CAAP1: variants seen among roughly 807,000 people sequenced by gnomAD.
The protein encoded by CAAP1 is conserved anti-apoptotic protein.
In CAAP1, 20 loss-of-function variants were observed where a neutral mutation model predicts 34.0. The observed-to-expected ratio is 0.59, with a 90% CI of 0.41 to 0.86. The LOEUF is 0.86. Among genes scored for constraint, CAAP1 ranks in the 40% least tolerant of loss-of-function variants. The pLI is 0.00. For synonymous variants in CAAP1, 213 were observed against 166.7 expected, an observed-to-expected ratio of 1.28 and a Z score of -2.14; for missense variants, 538 against 450.5, an observed-to-expected ratio of 1.19 and a Z score of -1.76.
Position 26,892,793 on chromosome 9 carries a change from G to A in CAAP1, c.-78C>T, listed in dbSNP as rs1823949828. On this transcript the variant is annotated 5_prime_UTR_variant, in exon 1 of 6. Transcript: ENST00000333916. ...AAGCCCGACTCCTGCGGCCGTGGGC[G>A]GCAGGCACTGGCGTCGCAGGTTATG... 2.2e-6 allele frequency: 3 copies of A among 1,345,238 alleles called. No individual in the cohort carries two copies. The highest frequency in any genetic ancestry group is 3.0e-6 in the Non-Finnish European group (3 of 995,908). The allele number at this position is 1,345,238 out of a possible 1,614,324, so 83.3% of individuals were successfully genotyped here.
chr9:26,874,927 T>A (rs1350863290), intron 4 of CAAP1, among the ~76,000 whole-genome samples: 1 of 152,132 alleles, frequency 6.6e-6, no homozygotes, highest in Non-Finnish European at 1.5e-5. Context: ...CAAAGATAAA[T>A]TTATAATCTT....
chr9:26,850,143 C>T (rs1475258214), intron 5 of CAAP1, among the ~76,000 whole-genome samples: 3 of 152,088 alleles, frequency 2.0e-5, no homozygotes, highest in Non-Finnish European at 4.4e-5. Flanking sequence ...GCTAGTAAAA[C>T]AATTTTTTAA....
In CAAP1 at chr9:26,887,443, C is replaced by T; in HGVS notation, c.374G>A (p.Gly125Asp). 1 of 1,613,704 alleles carries T rather than the reference C, an allele frequency of 6.2e-7. No individual in the cohort carries two copies. The highest frequency in any genetic ancestry group is 2.2e-5 in the East Asian group (1 of 44,866). ...CAATGACACAGTCAGGTCCAGTCCA[C>T]CTTCTTCAAGGTCACTGTGCTCTGC... is the stretch of plus-strand genomic sequence containing the variant. ...FLAEHSDLEE[G>D]GLDLTVSLKP... The change falls in exon 2 of 6, where the codon GGT (glycine) becomes GAT (aspartate). Residue 125 changes from glycine (G) to aspartate (D), a missense_variant. Transcript: ENST00000333916.
intron 3 of CAAP1, among the ~76,000 whole-genome samples, chr9:26,885,507 T>G (rs1192455415): frequency 1.3e-5 from 2 of 152,170 alleles, no homozygotes; most frequent in Non-Finnish European, 2.9e-5. Flanking sequence ...CATTTAAAAA[T>G]GAAGCTATCA....
At position 26,853,851 on chromosome 9, in the gene CAAP1, A is replaced by G. The variant is rs568842088; in HGVS notation, c.739+7215T>C. On this transcript the variant is annotated intron_variant, in intron 5 of 5. Coordinates refer to ENST00000333916, the MANE Select transcript of CAAP1 (RefSeq NM_024828.4). ...GATAGATATGAAAAAATTTATTTAC[A>G]TATCTGTTTTCCTTTATTAGACAAG... Among the ~76,000 whole-genome samples the G allele has an allele frequency of 1.1e-4, 17 of 152,288 alleles. No homozygotes were observed. The South Asian group carries it at 1.2e-3, about 11-fold the overall frequency.
rs537849349 is a variant in CAAP1, at chr9:26,878,900, T to A, written c.665+5910A>T. Among the ~76,000 whole-genome samples, 4 of 152,302 alleles carry A rather than the reference T, an allele frequency of 2.6e-5. No homozygotes were observed. In the South Asian group the frequency reaches 6.2e-4, roughly 24 times the overall value. On this transcript the variant is annotated intron_variant, in intron 4 of 5. Transcript: ENST00000333916. ...CCAGCCCAAAGTAAACACTTTGTAG[T>A]TATTATCTTTGCCAAGATTCCCAAG...
chr9:26,892,327 C>T (rs763544299), intron 1 of CAAP1, 86 bp downstream of exon 1: 7 of 1,556,724 alleles, frequency 4.5e-6, no homozygotes, highest in African/African-American at 1.4e-5. Flanking sequence ...GCAGTGAGCT[C>T]CAGCCTGCGC....
At chr9:26,850,509 T>G (rs762072448) in intron 5 of CAAP1, among the ~76,000 whole-genome samples, 4 of 152,228 alleles carry the variant, frequency 2.6e-5, no homozygotes, top group Non-Finnish European at 5.9e-5. Flanking sequence ...AAATTATCTT[T>G]GGAAATACAT....
At chr9:26,854,183 T>C (rs1822816889) in intron 5 of CAAP1, among the ~76,000 whole-genome samples, 1 of 152,198 alleles carries the variant, frequency 6.6e-6, no homozygotes, top group African/African-American at 2.4e-5. Context: ...CTTTTGAGCA[T>C]TTAATATCTA....
Position 26,860,652 on chromosome 9 carries a change from C to T in CAAP1, c.739+414G>A, listed in dbSNP as rs571048991. 4.5e-4 allele frequency among the ~76,000 whole-genome samples: 69 copies of T among 152,170 alleles called. 1 individual carries two copies. The East Asian group carries it at 0.011, about 25-fold the overall frequency. ...CTAAAAATACAAAACATTAGCTGGG[C>T]GTGGAGGTTGGCACCTATAGTCTCA... On this transcript the variant is annotated intron_variant, in intron 5 of 5. Coordinates refer to ENST00000333916, the MANE Select transcript of CAAP1 (RefSeq NM_024828.4).
chr9:26,883,633 CAAAT>C (rs1823656265), intron 4 of CAAP1, among the ~76,000 whole-genome samples: 1 of 152,036 alleles, frequency 6.6e-6, no homozygotes, highest in African/African-American at 2.4e-5. Flanking sequence ...AAAGGGATAA[CAAAT>C]ATAATCAAGC....
chr9:26,865,377 G>T (rs967780307), intron 4 of CAAP1, among the ~76,000 whole-genome samples: 1 of 152,066 alleles, frequency 6.6e-6, no homozygotes, highest in African/African-American at 2.4e-5. Flanking sequence ...TACAAAATTA[G>T]CCAGGTGTGG....
intron 3 of CAAP1, 150 bp downstream of exon 3, chr9:26,885,954 T>C (rs1563894182): frequency 2.5e-6 from 1 of 402,958 alleles, no homozygotes; most frequent in Non-Finnish European, 4.5e-6. Flanking sequence ...GTAAACTATA[T>C]TTTTTAGTGC....
intron 4 of CAAP1, among the ~76,000 whole-genome samples, chr9:26,879,348 A>AC (rs1823526893): frequency 6.6e-6 from 1 of 152,222 alleles, no homozygotes; most frequent in South Asian, 2.1e-4. Flanking sequence ...AAACTTGTTC[A>AC]CTGAAATATT....
At chr9:26,883,001 A>G (rs190560639) in intron 4 of CAAP1, among the ~76,000 whole-genome samples, 248 of 152,240 alleles carry the variant, frequency 1.6e-3, no homozygotes, top group African/African-American at 5.7e-3. Flanking sequence ...TATCCCCATT[A>G]TATCTAGGAA....
intron 4 of CAAP1, among the ~76,000 whole-genome samples, chr9:26,876,472 G>GGTTTTTTTTTTTTTTTTTTTTTTTT (rs1554652213): frequency 8.0e-6 from 1 of 125,714 alleles, no homozygotes; most frequent in African/African-American, 2.8e-5. Flanking sequence ...ATTCTAGAAG[G>GGTTTTTTTTTTTTTTTTTTTTTTTT]TTTTTTTTTT....
At chr9:26,880,704 G>C (rs947497903) in intron 4 of CAAP1, among the ~76,000 whole-genome samples, 44 of 152,224 alleles carry the variant, frequency 2.9e-4, no homozygotes, top group Non-Finnish European at 5.9e-5. Context: ...TTTTGAGATG[G>C]AGTTTTGCTC....
chr9:26,856,614 T>C (rs1156910355), intron 5 of CAAP1, among the ~76,000 whole-genome samples: 1 of 152,226 alleles, frequency 6.6e-6, no homozygotes, highest in Non-Finnish European at 1.5e-5. Context: ...GCTATTTATG[T>C]GGCCTGTGTC....
At chr9:26,882,396 G>C (rs1373837397) in intron 4 of CAAP1, among the ~76,000 whole-genome samples, 1 of 152,208 alleles carries the variant, frequency 6.6e-6, no homozygotes, top group Admixed American at 6.5e-5. Flanking sequence ...GAGGGCACAA[G>C]ACCCAAGCCT....
Sources: gnomAD v4.1 joint callset for allele counts (sites outside exome capture counted in the v4.1 genomes callset) on GRCh38, gnomAD v4.1.1 for gene constraint, MANE v1.5 for transcripts, NCBI Gene and HGNC (gene_info 2026-07-23, HGNC 2026-07-21) for gene names.